Variants in TMEM63C observed in about 807,000 individuals in gnomAD.
TMEM63C encodes transmembrane protein 63C.
A neutral mutation model predicts 99.2 loss-of-function variants in TMEM63C; 32 were observed. That is an observed-to-expected ratio of 0.32 (90% CI 0.24 to 0.43). The LOEUF (loss-of-function observed/expected upper bound fraction) is 0.43, where lower values mean the gene tolerates loss of function less well. TMEM63C is among the 20% of genes least tolerant of loss of function. The probability of loss-of-function intolerance (pLI) is 1.00; values close to 1 mark genes in which losing one functional copy is unlikely to be tolerated. For synonymous variants in TMEM63C, 376 were observed against 397.9 expected, an observed-to-expected ratio of 0.94 and a Z score of 0.66; for missense variants, 826 against 1,053.0, an observed-to-expected ratio of 0.78 and a Z score of 2.98.
intron 1 of TMEM63C, among the ~76,000 whole-genome samples, chr14:77,194,531 TTC>T (rs1238757537): frequency 0.024 from 1,033 of 43,474 alleles, 41 homozygotes; most frequent in African/African-American, 0.029. Flanking sequence ...CTTTCTTTCT[TTC>T]TTTCTTTCTT....
At chr14:77,207,874 G>C (rs1436334162) in intron 1 of TMEM63C, among the ~76,000 whole-genome samples, 1 of 152,136 alleles carries the variant, frequency 6.6e-6, no homozygotes, top group African/African-American at 2.4e-5. Flanking sequence ...CCTTTTTTCA[G>C]TGTACTTCTG....
intron 14 of TMEM63C, 46 bp downstream of exon 14, chr14:77,242,515 C>A: frequency 6.2e-7 from 1 of 1,603,910 alleles, no homozygotes; most frequent in Non-Finnish European, 8.5e-7. Flanking sequence ...TCCTCTGAGA[C>A]TGAAGAAGGC....
At chr14:77,225,349 C>T in intron 5 of TMEM63C, 75 bp from the exon 6 acceptor site, 4 of 1,477,878 alleles carry the variant, frequency 2.7e-6, no homozygotes, top group South Asian at 1.3e-5. Context: ...GATGACCTGG[C>T]CGCCTGGGTT....
intron 17 of TMEM63C, 34 bp from the exon 18 acceptor site, chr14:77,246,575 C>T (rs1889271785): frequency 1.9e-6 from 3 of 1,594,306 alleles, no homozygotes; most frequent in African/African-American, 2.7e-5. Flanking sequence ...CATAGGTTTG[C>T]TAACTAACAG....
intron 2 of TMEM63C, among the ~76,000 whole-genome samples, chr14:77,217,123 C>A (rs187741375): frequency 2.0e-5 from 3 of 151,778 alleles, no homozygotes; most frequent in Admixed American, 1.3e-4. Flanking sequence ...GCCACCGTGA[C>A]AGAGTGAGGC....
chr14:77,244,329 C>G lies in TMEM63C; in HGVS notation c.1342-20C>G. ...CTTGCATTGACGTCTCTCCTGCCGT[C>G]CTCCCCTCTCCCCCTGCAGAACCCA... On this transcript the variant is annotated intron_variant, in intron 15 of 23. Coordinates refer to ENST00000298351, the MANE Select transcript of TMEM63C (RefSeq NM_020431.4). 74 of 1,566,558 alleles carry G rather than the reference C, an allele frequency of 4.7e-5. No individual in the cohort carries two copies. Among genetic ancestry groups the G allele is most frequent in the Non-Finnish European group, 5.8e-5 (66 of 1,137,230 alleles).
intron 2 of TMEM63C, among the ~76,000 whole-genome samples, chr14:77,216,105 A>T (rs1310717412): frequency 2.9e-5 from 3 of 103,552 alleles, no homozygotes; most frequent in Non-Finnish European, 5.9e-5. Flanking sequence ...AAGAGAGAGG[A>T]AGGAAGGAAG....
chr14:77,232,570 G>T (rs1888963809), intron 7 of TMEM63C, among the ~76,000 whole-genome samples: 1 of 152,168 alleles, frequency 6.6e-6, no homozygotes, highest in Non-Finnish European at 1.5e-5. Flanking sequence ...TTACAGGCAT[G>T]AGCCACCGCA....
intron 19 of TMEM63C, 47 bp from the exon 20 acceptor site, chr14:77,248,720 C>G (rs768326228): frequency 1.3e-6 from 2 of 1,581,804 alleles, no homozygotes; most frequent in African/African-American, 2.7e-5. Context: ...AGTAGTCAAG[C>G]CAAGGGGACT....
At chr14:77,200,572 C>T (rs1888282849) in intron 1 of TMEM63C, among the ~76,000 whole-genome samples, 1 of 152,242 alleles carries the variant, frequency 6.6e-6, no homozygotes, top group African/African-American at 2.4e-5. Flanking sequence ...CAACGTGGCT[C>T]TGGCCCTATT....
intron 6 of TMEM63C, among the ~76,000 whole-genome samples, chr14:77,229,014 A>C (rs1888885706): frequency 6.6e-6 from 1 of 152,174 alleles, no homozygotes; most frequent in East Asian, 1.9e-4. Context: ...ATTACGTAAA[A>C]CCATCGGAAA....
At chr14:77,223,719 G>A (rs183950402) in intron 5 of TMEM63C, among the ~76,000 whole-genome samples, 10 of 152,194 alleles carry the variant, frequency 6.6e-5, no homozygotes, top group African/African-American at 2.4e-4. Context: ...TCATGGCCAC[G>A]CTTCTACTCA....
intron 1 of TMEM63C, chr14:77,212,204 C>T (rs1050121171): frequency 2.6e-5 from 4 of 152,222 alleles, no homozygotes; most frequent in Non-Finnish European, 5.9e-5. Context: ...TCTTACTTCC[C>T]CTTTGCAATA....
Position 77,258,911 on chromosome 14 carries a change from C to T in TMEM63C, c.*2185C>T, listed in dbSNP as rs1322617731. 6.6e-6 allele frequency: 1 copy of T among 152,326 alleles called. No homozygotes were observed. Among genetic ancestry groups the T allele is most frequent in the Non-Finnish European group, 1.5e-5 (1 of 68,120 alleles). The allele number at this position is 152,326 out of a possible 1,614,324, so 9.4% of individuals were successfully genotyped here. A position where few individuals can be genotyped will look rare whatever the true frequency, so the allele number is the denominator to read the frequency against. ...TGAACCTGGGTCCAGTGTAGCCTGG[C>T]TCTGAGAGAAGGTGGTGAGCATGTG... is the stretch of plus-strand genomic sequence containing the variant. On this transcript the variant is annotated 3_prime_UTR_variant, in exon 24 of 24. Transcript: ENST00000298351.
At chr14:77,228,220 C>T (rs1888866621) in intron 6 of TMEM63C, among the ~76,000 whole-genome samples, 1 of 152,074 alleles carries the variant, frequency 6.6e-6, no homozygotes, top group African/African-American at 2.4e-5. Flanking sequence ...AGGAAACAGG[C>T]CTAGTGGTGG....
chr14:77,248,590 AG>A, intron 19 of TMEM63C, 81 bp downstream of exon 19: 1 of 1,535,324 alleles, frequency 6.5e-7, no homozygotes, highest in South Asian at 1.2e-5. Flanking sequence ...AGAAGCACCA[AG>A]GGGGTTGAGG....
rs376269351 is a variant in TMEM63C, at chr14:77,200,409, G to C, written c.-76-13037G>C. Among the ~76,000 whole-genome samples the C allele has an allele frequency of 4.6e-5, 7 of 152,344 alleles. No individual in the cohort carries two copies. In the South Asian group the frequency reaches 1.2e-3, roughly 27 times the overall value. ...GCTAACCTTCATCACAAGCAAACCT[G>C]TGAATAGAGAGCTCCCACTATGGTA... On this transcript the variant is annotated intron_variant, in intron 1 of 23. Transcript: ENST00000298351.
At chr14:77,190,997 T>A (rs1201222950) in intron 1 of TMEM63C, among the ~76,000 whole-genome samples, 1 of 151,968 alleles carries the variant, frequency 6.6e-6, no homozygotes. Context: ...TGAAAAAAAA[T>A]TAGAAATAAT....
chr14:77,185,751 C>T (rs188434547), intron 1 of TMEM63C, among the ~76,000 whole-genome samples: 134 of 152,258 alleles, frequency 8.8e-4, no homozygotes, highest in African/African-American at 3.1e-3. Flanking sequence ...TACATGGACA[C>T]GCTGCCTGGG....
Sources: allele counts gnomAD v4.1 joint callset (sites outside exome capture counted in the v4.1 genomes callset), GRCh38; gene constraint gnomAD v4.1.1; transcripts MANE v1.5; gene names NCBI Gene and HGNC (gene_info 2026-07-23, HGNC 2026-07-21).